The following GFOD2 variants were observed in gnomAD, a reference collection of about 807,000 sequenced individuals.
GFOD2 encodes glucose-fructose oxidoreductase domain-containing protein 2.
GFOD2 carries 9 observed loss-of-function variants against 24.6 expected under a neutral mutation model. The observed-to-expected ratio is 0.37, with a 90% CI of 0.22 to 0.64. The LOEUF is 0.64. Among genes scored for constraint, GFOD2 ranks in the 30% least tolerant of loss-of-function variants. GFOD2 has a pLI of 0.65. For missense variants in GFOD2, 476 were observed against 532.5 expected (o/e 0.89, Z 1.04); for synonymous variants, 211 against 224.8 (o/e 0.94, Z 0.55).
chr16:67,711,767 T>C (rs936758917), intron 1 of GFOD2, among the ~76,000 whole-genome samples: 4 of 152,108 alleles, frequency 2.6e-5, no homozygotes, highest in Non-Finnish European at 5.9e-5. Flanking sequence ...AACCTTGGAG[T>C]TATCCTTGAG....
chr16:67,688,923 T>G (rs2053289595), intron 1 of GFOD2, among the ~76,000 whole-genome samples: 1 of 151,654 alleles, frequency 6.6e-6, no homozygotes, highest in African/African-American at 2.4e-5. Flanking sequence ...GTATTTTTAG[T>G]AGAGACGGGG....
chr16:67,716,999 C>T (rs1429380082), intron 1 of GFOD2, among the ~76,000 whole-genome samples: 2 of 152,082 alleles, frequency 1.3e-5, no homozygotes, highest in African/African-American at 2.4e-5. Context: ...CAGGTTCAAG[C>T]GATTCTCCTG....
intron 2 of GFOD2, chr16:67,682,813 A>C: frequency 1.0e-6 from 1 of 985,422 alleles, no homozygotes. Context: ...GTCATTCCTT[A>C]ATGCTCCTGG....
intron 1 of GFOD2, among the ~76,000 whole-genome samples, chr16:67,700,063 A>G (rs2053390599): frequency 2.6e-5 from 4 of 152,050 alleles, no homozygotes; most frequent in Admixed American, 2.6e-4. Context: ...CAACAAGAGC[A>G]TGACCCTGCC....
intron 1 of GFOD2, among the ~76,000 whole-genome samples, chr16:67,710,939 GA>G (rs1038749631): frequency 6.6e-6 from 1 of 151,974 alleles, no homozygotes; most frequent in Non-Finnish European, 1.5e-5. Flanking sequence ...TCATCACCAT[GA>G]AAAAAACCCA....
Position 67,695,100 on chromosome 16 carries a change from C to T in GFOD2, c.-87-9298G>A, listed in dbSNP as rs892896186. On this transcript the variant is annotated intron_variant, in intron 1 of 2. Transcript: ENST00000268797. ...CTTTGCCGCTCCGGTTCAAGCGATT[C>T]TCCTTGCCTCAGCTACTACCTCAGT... Among the ~76,000 whole-genome samples, 5 of 148,242 alleles carry T rather than the reference C, an allele frequency of 3.4e-5. No individual in the cohort carries two copies. In the Admixed American group the frequency reaches 3.5e-4, roughly 10 times the overall value.
chr16:67,693,694 C>T (rs1567657959), intron 1 of GFOD2, among the ~76,000 whole-genome samples: 1 of 152,180 alleles, frequency 6.6e-6, no homozygotes, highest in Non-Finnish European at 1.5e-5. Flanking sequence ...ACATCCACCT[C>T]CAGGACTTCA....
intron 1 of GFOD2, among the ~76,000 whole-genome samples, chr16:67,687,159 A>G (rs891306533): frequency 1.3e-5 from 2 of 151,640 alleles, no homozygotes; most frequent in East Asian, 1.9e-4. Context: ...AAAAAAAAAA[A>G]AAAAGAAAAG....
At chr16:67,711,601 C>G (rs577719875) in intron 1 of GFOD2, among the ~76,000 whole-genome samples, 1 of 152,144 alleles carries the variant, frequency 6.6e-6, no homozygotes. Flanking sequence ...TGCAAACAAC[C>G]GCCTATTAAC....
intron 1 of GFOD2, among the ~76,000 whole-genome samples, chr16:67,704,158 A>G (rs2053422812): frequency 1.3e-5 from 2 of 152,222 alleles, no homozygotes; most frequent in East Asian, 3.8e-4. Flanking sequence ...ACTTGGGAGT[A>G]CAAATTATAG....
intron 2 of GFOD2, chr16:67,680,792 C>T: frequency 1.0e-6 from 1 of 961,746 alleles, no homozygotes; most frequent in Non-Finnish European, 1.2e-6. Flanking sequence ...ACTTTAAGTT[C>T]TAGGGTACAT....
Position 67,690,425 on chromosome 16 carries a change from C to T in GFOD2, c.-87-4623G>A, listed in dbSNP as rs868234251. Among the ~76,000 whole-genome samples the T allele has an allele frequency of 5.6e-4, 83 of 147,402 alleles. No individual in the cohort carries two copies. In the Middle Eastern group the frequency reaches 0.014, roughly 25 times the overall value. On this transcript the variant is annotated intron_variant, in intron 1 of 2. Coordinates refer to ENST00000268797, the MANE Select transcript of GFOD2 (RefSeq NM_030819.4). ...TTTTTTTTTTTTTTTGAGACAGAGT[C>T]TTGTTCTGTCACCCAGGCTGGAGTG...
intron 1 of GFOD2, among the ~76,000 whole-genome samples, chr16:67,693,934 A>AAAAC (rs200642114): frequency 2.6e-5 from 4 of 152,080 alleles, no homozygotes; most frequent in African/African-American, 4.8e-5. Flanking sequence ...TCAAAAACAA[A>AAAAC]AAACAAACAA....
chr16:67,682,950 C>A lies in GFOD2; in HGVS notation c.259+2507G>T, dbSNP rs1430241739. 6 of 490,748 alleles carry A rather than the reference C, an allele frequency of 1.2e-5. No homozygotes were observed. In the East Asian group the frequency reaches 9.1e-4, roughly 74 times the overall value. The allele number at this position is 490,748 out of a possible 1,614,324, so 30.4% of individuals were successfully genotyped here. A position where few individuals can be genotyped will look rare whatever the true frequency, so the allele number is the denominator to read the frequency against. On this transcript the variant is annotated intron_variant, in intron 2 of 2. Transcript: ENST00000268797. ...GAGATTCAGTAGGTTTGGAGTGGGG[C>A]CTGAGAATTTAGATTTCTTTTTGTT...
intron 1 of GFOD2, among the ~76,000 whole-genome samples, chr16:67,694,865 G>A (rs1389158552): frequency 1.3e-5 from 2 of 151,968 alleles, no homozygotes; most frequent in Non-Finnish European, 1.5e-5. Context: ...GTGAAGCTTG[G>A]CTTGCCTCCT....
At chr16:67,679,254 C>CAT (rs1254715952) in intron 2 of GFOD2, among the ~76,000 whole-genome samples, 1 of 140,844 alleles carries the variant, frequency 7.1e-6, no homozygotes, top group East Asian at 2.0e-4. Context: ...TTTTTTGAGA[C>CAT]AGAGTTTTGC....
Position 67,675,262 on chromosome 16 carries a change from T to C in GFOD2, c.1051A>G (p.Ile351Val). The C allele has an allele frequency of 1.2e-6, 2 of 1,613,150 alleles. No homozygotes were observed. The highest frequency in any genetic ancestry group is 1.7e-6 in the Non-Finnish European group (2 of 1,180,016). Residue 351 changes from isoleucine (I) to valine (V), a missense_variant, in exon 3 of 3, where the codon ATC (isoleucine) becomes GTC (valine). Coordinates refer to ENST00000268797, the MANE Select transcript of GFOD2 (RefSeq NM_030819.4). ...TCCCCGGATCGGCTCGACCTCTTGATGGCATCCACCACGCTCTGCATGTAC... is the reference window on the plus strand; with the variant it reads ...TCCCCGGATCGGCTCGACCTCTTGACGGCATCCACCACGCTCTGCATGTAC... The part of the protein sequence containing the change: ...GLYMQSVVDA[I>V]KRSSRSGEWE...
chr16:67,694,833 CTT>C (rs1296461797), intron 1 of GFOD2, among the ~76,000 whole-genome samples: 1 of 152,148 alleles, frequency 6.6e-6, no homozygotes, highest in Non-Finnish European at 1.5e-5. Context: ...TTTCGTGCCT[CTT>C]GTCTCCACTC....
chr16:67,674,616 T>C lies in GFOD2; in HGVS notation c.*539A>G, dbSNP rs976138546. The C allele has an allele frequency of 1.3e-5, 2 of 153,164 alleles. No homozygotes were observed. Among genetic ancestry groups the C allele is most frequent in the Non-Finnish European group, 2.9e-5 (2 of 68,740 alleles). 9.5% of individuals were successfully genotyped at this position (153,164 alleles called of 1,614,324 possible). On this transcript the variant is annotated 3_prime_UTR_variant, in exon 3 of 3. Coordinates refer to ENST00000268797, the MANE Select transcript of GFOD2 (RefSeq NM_030819.4). ...TCCTCTCTGCCAAACCAGGGCCCTC[T>C]GTCCTACTTCAAAAGCCCAAGAGCT...
Sources: gnomAD v4.1 joint callset for allele counts (sites outside exome capture counted in the v4.1 genomes callset) on GRCh38, gnomAD v4.1.1 for gene constraint, MANE v1.5 for transcripts, NCBI Gene and HGNC (gene_info 2026-07-23, HGNC 2026-07-21) for gene names.